FANCD2OS: variants seen among roughly 807,000 people sequenced by gnomAD.
FANCD2OS encodes the protein FANCD2 opposite strand, also known as FANCD2 opposite strand protein.
Under a neutral mutation model 13.2 loss-of-function variants are expected in FANCD2OS, and 11 were observed. That is an observed-to-expected ratio of 0.83 (90% CI 0.52 to 1.38). FANCD2OS has a LOEUF of 1.38. Ranked by LOEUF, FANCD2OS falls within the 40% of genes most tolerant of loss-of-function variation. The probability of loss-of-function intolerance (pLI) is 0.00; values close to 1 mark genes in which losing one functional copy is unlikely to be tolerated. For missense variants in FANCD2OS, 217 were observed against 213.9 expected (o/e 1.01, Z -0.09); for synonymous variants, 69 against 84.5 (o/e 0.82, Z 1.01).
intron 2 of FANCD2OS, among the ~76,000 whole-genome samples, chr3:10,093,636 G>T (rs1267064150): frequency 6.9e-6 from 1 of 144,296 alleles, no homozygotes; most frequent in South Asian, 2.3e-4. Context: ...GGAAGGAGGA[G>T]TAGATGATTT....
intron 2 of FANCD2OS, among the ~76,000 whole-genome samples, chr3:10,095,578 G>C (rs774013820): frequency 6.6e-6 from 1 of 152,242 alleles, no homozygotes; most frequent in African/African-American, 2.4e-5. Context: ...TAACAGGACT[G>C]TGATGTAAGT....
At chr3:10,101,191 G>A, downstream of FANCD2OS, 3 of 1,611,872 alleles carry the variant, frequency 1.9e-6, no homozygotes. Context: ...CCCTTAGGAT[G>A]GTGAAGAAGA....
chr3:10,104,642 C>T lies in FANCD2OS; in HGVS notation c.133G>A (p.Asp45Asn), dbSNP rs1280710958. The T allele has an allele frequency of 1.1e-5, 17 of 1,614,098 alleles. No individual in the cohort carries two copies. The highest frequency in any genetic ancestry group is 1.7e-4 in the Middle Eastern group (1 of 6,060). ...ASPCFPHTPS[D>N]LEVQLCFQEV... ...TGAAAGCACAGCTGCACTTCAAGGT[C>T]GGACGGTGTGTGTGGGAAGCAGGGG... Residue 45 changes from aspartate to asparagine, a missense_variant, in exon 2 of 2, where the codon GAC (aspartate) becomes AAC (asparagine). Coordinates refer to ENST00000450660, the MANE Select transcript of FANCD2OS (RefSeq NM_001164839.2).
Position 10,096,413 on chromosome 3 carries a change from A to G in FANCD2OS, c.*43+7785T>C, listed in dbSNP as rs780789790. ...AGTTTGCAGAGTCAAAGCTATGCTC[A>G]CTCTCAACAATTGTAGAGAGGCTTT... On this transcript the variant is annotated intron_variant, in intron 2 of 2. Coordinates refer to the FANCD2OS transcript ENST00000524279. 8.7e-6 allele frequency: 14 copies of G among 1,613,924 alleles called. No homozygotes were observed. Among genetic ancestry groups the G allele is most frequent in the Non-Finnish European group, 9.3e-6 (11 of 1,179,932 alleles).
At chr3:10,099,063 GC>G, downstream of FANCD2OS, 1 of 1,574,354 alleles carries the variant, frequency 6.4e-7, no homozygotes, top group South Asian at 1.1e-5. Context: ...ACAATTTTCT[GC>G]ATTATAGCCT....
At chr3:10,092,392 C>A in intron 2 of FANCD2OS, 1 of 758,644 alleles carries the variant, frequency 1.3e-6, no homozygotes, top group Non-Finnish European at 2.4e-6. Context: ...CTTCCTTTGT[C>A]CCCCTACCCA....
At chr3:10,099,037 A>G, downstream of FANCD2OS, 1 of 1,606,838 alleles carries the variant, frequency 6.2e-7, no homozygotes, top group Non-Finnish European at 8.5e-7. Context: ...GAGTTGTGGC[A>G]TTTGTTATAG....
At chr3:10,096,793 A>G (rs1694993415) in intron 2 of FANCD2OS, among the ~76,000 whole-genome samples, 1 of 152,172 alleles carries the variant, frequency 6.6e-6, no homozygotes, top group Non-Finnish European at 1.5e-5. Flanking sequence ...GTAGATTCAT[A>G]ATAACATTTT....
At chr3:10,094,018 A>G (rs749628499) in intron 2 of FANCD2OS, among the ~76,000 whole-genome samples, 4 of 152,272 alleles carry the variant, frequency 2.6e-5, no homozygotes, top group Admixed American at 6.5e-5. Context: ...CCTCTACTCT[A>G]TGCTCTCACT....
intron 2 of FANCD2OS, among the ~76,000 whole-genome samples, chr3:10,090,075 A>G (rs1444002252): frequency 6.6e-6 from 1 of 152,126 alleles, no homozygotes; most frequent in African/African-American, 2.4e-5. Context: ...ATACTACCAT[A>G]ACACCTCCTT....
chr3:10,103,645 C>A (rs570281168), downstream of FANCD2OS, among the ~76,000 whole-genome samples: 8 of 152,244 alleles, frequency 5.3e-5, 1 homozygote, highest in East Asian at 1.3e-3. Context: ...TCATGAGTTC[C>A]ATGTAGCCTA....
chr3:10,085,976 G>C (rs1694175279), intron 2 of FANCD2OS: 1 of 1,237,140 alleles, frequency 8.1e-7, no homozygotes, highest in African/African-American at 1.5e-5. Context: ...CCTAGGAACA[G>C]GATTGGCAAC....
intron 2 of FANCD2OS, chr3:10,096,204 ACATACCGTTGGCC>A: frequency 1.0e-6 from 1 of 964,184 alleles, no homozygotes; most frequent in South Asian, 1.3e-5. Flanking sequence ...GTTTGATGGA[ACATACCGTTGGCC>A]CATACTGGCA....
chr3:10,087,969 T>C (rs1694324973), intron 2 of FANCD2OS, among the ~76,000 whole-genome samples: 1 of 152,178 alleles, frequency 6.6e-6, no homozygotes, highest in Non-Finnish European at 1.5e-5. Context: ...TTAAACTGTC[T>C]TTTATTGTAG....
intron 2 of FANCD2OS, among the ~76,000 whole-genome samples, chr3:10,087,789 C>T (rs1253476924): frequency 6.6e-6 from 1 of 152,050 alleles, no homozygotes; most frequent in Non-Finnish European, 1.5e-5. Context: ...GCTGGGATTA[C>T]AGGTGCGCAC....
At chr3:10,099,236 G>C (rs956206286), downstream of FANCD2OS, 67 of 1,333,420 alleles carry the variant, frequency 5.0e-5, no homozygotes, top group Non-Finnish European at 6.4e-5. Flanking sequence ...CACAGAGTCA[G>C]AAGCTGCCAC....
downstream of FANCD2OS, among the ~76,000 whole-genome samples, chr3:10,102,450 A>G (rs1478871566): frequency 2.0e-5 from 3 of 151,870 alleles, no homozygotes; most frequent in Non-Finnish European, 2.9e-5. Flanking sequence ...GCCAACTTCA[A>G]TTTCTTGTCA....
downstream of FANCD2OS, chr3:10,099,228 C>T (rs1695159595): frequency 7.4e-7 from 1 of 1,344,142 alleles, no homozygotes; most frequent in Non-Finnish European, 9.6e-7. Flanking sequence ...AGCCAAAGCA[C>T]AGAGTCAGAA....
chr3:10,101,786 TG>T (rs1204019895), downstream of FANCD2OS: 3 of 205,808 alleles, frequency 1.5e-5, no homozygotes, highest in Admixed American at 1.1e-4. Context: ...CATTATTTAT[TG>T]GTTTGGATAA....
Sources: gnomAD v4.1 joint callset for allele counts (sites outside exome capture counted in the v4.1 genomes callset) on GRCh38, gnomAD v4.1.1 for gene constraint, MANE v1.5 for transcripts, NCBI Gene and HGNC (gene_info 2026-07-23, HGNC 2026-07-21) for gene names.